Variants in TENM3 observed in about 807,000 individuals in gnomAD.
TENM3 encodes teneurin transmembrane protein 3.
In TENM3, 63 loss-of-function variants were observed where a neutral mutation model predicts 255.1. That is an observed-to-expected ratio of 0.25 (90% CI 0.20 to 0.30). The LOEUF is 0.30. Ranked by LOEUF, TENM3 falls within the 10% of genes least tolerant of loss-of-function variation. TENM3 has a pLI of 1.00. For missense variants in TENM3, 2,929 were observed against 3,461.1 expected, an observed-to-expected ratio of 0.85 and a Z score of 3.86; for synonymous variants, 1,306 against 1,322.3, an observed-to-expected ratio of 0.99 and a Z score of 0.27.
intron 3 of TENM3, 41 bp from the exon 4 acceptor site, chr4:182,600,883 A>ATATATATATGTATATATATAT: frequency 9.8e-7 from 1 of 1,019,576 alleles, no homozygotes; most frequent in Non-Finnish European, 1.4e-6. Flanking sequence ...ATATATATAT[A>ATATATATATGTATATATATAT]ATGAGTTCTC....
Position 182,597,416 on chromosome 4 carries a change from G to GA in TENM3, c.512-3501dup, listed in dbSNP as rs544972157. Among the ~76,000 whole-genome samples the GA allele has an allele frequency of 1.3e-4, 20 of 151,736 alleles. No homozygotes were observed. The South Asian group carries it at 2.3e-3, about 17-fold the overall frequency. ...AGAGCAAGACCTTGTCTCAGAGGAA[G>GA]AAAAAAACAAACTTAAAAAGAAATG... On this transcript the variant is annotated intron_variant, in intron 3 of 27. Coordinates refer to ENST00000511685, the MANE Select transcript of TENM3 (RefSeq NM_001080477.4).
chr4:181,592,615 G>T, the TENM3 span, among the ~76,000 whole-genome samples: 1 of 150,496 alleles, frequency 6.6e-6, no homozygotes, highest in South Asian at 2.1e-4. Flanking sequence ...TAAAACTTTT[G>T]AGTCAAGTCT....
intron 3 of TENM3, among the ~76,000 whole-genome samples, chr4:182,595,891 C>A (rs917797537): frequency 2.7e-5 from 4 of 150,442 alleles, no homozygotes; most frequent in Non-Finnish European, 5.9e-5. Flanking sequence ...TTATAGCTTT[C>A]ATTTTATATA....
chr4:182,774,821 G>C (rs1196289058), intron 23 of TENM3, 97 bp from the exon 24 acceptor site: 2 of 806,436 alleles, frequency 2.5e-6, no homozygotes, highest in Non-Finnish European at 4.0e-6. Context: ...CTTATTCCTA[G>C]TCAACTTTTA....
chr4:181,967,042 C>T, the TENM3 span, among the ~76,000 whole-genome samples: 2 of 152,076 alleles, frequency 1.3e-5, no homozygotes, highest in East Asian at 3.9e-4. Flanking sequence ...ATGTGCCACA[C>T]CAAATTTCTT....
chr4:181,545,295 C>G, the TENM3 span, among the ~76,000 whole-genome samples: 1 of 152,110 alleles, frequency 6.6e-6, no homozygotes, highest in Admixed American at 6.5e-5. Flanking sequence ...TTATAACAAA[C>G]AGTGCCTCTG....
intron 3 of TENM3, among the ~76,000 whole-genome samples, chr4:182,436,113 A>G (rs1370332592): frequency 6.6e-6 from 1 of 152,068 alleles, no homozygotes; most frequent in Non-Finnish European, 1.5e-5. Flanking sequence ...CTCATTTTCT[A>G]TTGACAGCAG....
Position 182,423,084 on chromosome 4 carries a change from A to C in TENM3, c.511+76155A>C, listed in dbSNP as rs140459918. 1.9e-3 allele frequency among the ~76,000 whole-genome samples: 282 copies of C among 152,322 alleles called. 4 individuals are homozygous for C. In the East Asian group the frequency reaches 0.035, roughly 19 times the overall value. On this transcript the variant is annotated intron_variant, in intron 3 of 27. Coordinates refer to ENST00000511685, the MANE Select transcript of TENM3 (RefSeq NM_001080477.4). ...TGGTTTTTAAGCTGTGATCCATAAA[A>C]TTAATTTGTTTTCTACCTTCCAAAA... is the stretch of plus-strand genomic sequence containing the variant.
chr4:181,808,699 G>A, the TENM3 span, among the ~76,000 whole-genome samples: 2 of 152,118 alleles, frequency 1.3e-5, no homozygotes, highest in African/African-American at 2.4e-5. Context: ...TGAGCAGCTC[G>A]GAAGTTGAAT....
At chr4:181,552,300 A>G in the TENM3 span, among the ~76,000 whole-genome samples, 2 of 152,218 alleles carry the variant, frequency 1.3e-5, no homozygotes, top group East Asian at 1.9e-4. Context: ...TTCCCCAAGC[A>G]TGATTAAGTC....
At chr4:182,613,290 T>G (rs1320868130) in intron 4 of TENM3, among the ~76,000 whole-genome samples, 1 of 152,178 alleles carries the variant, frequency 6.6e-6, no homozygotes. Flanking sequence ...TTTGTACACT[T>G]GATGACATGG....
intron 3 of TENM3, among the ~76,000 whole-genome samples, chr4:182,393,348 C>T (rs1201365880): frequency 6.6e-6 from 1 of 152,098 alleles, no homozygotes; most frequent in African/African-American, 2.4e-5. Context: ...TGTATCTTTT[C>T]ACCCGCCATA....
At chr4:181,474,197 C>T in the TENM3 span, among the ~76,000 whole-genome samples, 12 of 151,922 alleles carry the variant, frequency 7.9e-5, no homozygotes, top group South Asian at 4.2e-4. Flanking sequence ...GATAGCATTA[C>T]GACAAATACC....
chr4:181,577,737 G>C, the TENM3 span, among the ~76,000 whole-genome samples: 1 of 151,990 alleles, frequency 6.6e-6, no homozygotes, highest in Non-Finnish European at 1.5e-5. Context: ...TTTGGTGGGG[G>C]TGAAGGATTG....
At chr4:181,828,283 T>C in the TENM3 span, among the ~76,000 whole-genome samples, 4 of 152,192 alleles carry the variant, frequency 2.6e-5, no homozygotes, top group Non-Finnish European at 5.9e-5. Flanking sequence ...GAATGGACTC[T>C]CTGATGGCCC....
At chr4:182,289,914 A>G (rs1460460276) in intron 1 of TENM3, among the ~76,000 whole-genome samples, 1 of 152,106 alleles carries the variant, frequency 6.6e-6, no homozygotes, top group African/African-American at 2.4e-5. Context: ...CCCCAGGGCA[A>G]TTCCACCAAC....
the TENM3 span, among the ~76,000 whole-genome samples, chr4:181,928,906 A>G: frequency 1.6e-4 from 24 of 152,348 alleles, no homozygotes; most frequent in African/African-American, 5.8e-4. Context: ...ATTTCAACCC[A>G]CAATTTCATA....
the TENM3 span, among the ~76,000 whole-genome samples, chr4:181,587,320 C>A: frequency 6.6e-6 from 1 of 152,148 alleles, no homozygotes; most frequent in Admixed American, 6.5e-5. Context: ...CTCCCATTCA[C>A]CTTGCCAAGG....
intron 3 of TENM3, among the ~76,000 whole-genome samples, chr4:182,479,718 G>GT (rs1185467911): frequency 6.6e-6 from 1 of 151,870 alleles, no homozygotes; most frequent in African/African-American, 2.4e-5. Flanking sequence ...CTGATAAATT[G>GT]TTTTTTGTCA....
Sources: allele counts gnomAD v4.1 joint callset (sites outside exome capture counted in the v4.1 genomes callset), GRCh38; gene constraint gnomAD v4.1.1; transcripts MANE v1.5; gene names NCBI Gene and HGNC (gene_info 2026-07-23, HGNC 2026-07-21).